The following ZP3 variants were observed in gnomAD, a reference collection of about 807,000 sequenced individuals.
The protein encoded by ZP3 is zona pellucida glycoprotein 3.
A neutral mutation model predicts 35.6 loss-of-function variants in ZP3; 21 were observed. That is an observed-to-expected ratio of 0.59 (90% CI 0.42 to 0.85). The LOEUF is 0.85. Among genes scored for constraint, ZP3 ranks in the 40% least tolerant of loss-of-function variants. The pLI is 0.00. For synonymous variants in ZP3, 207 were observed against 214.5 expected, an observed-to-expected ratio of 0.96 and a Z score of 0.31; for missense variants, 437 against 536.5, an observed-to-expected ratio of 0.81 and a Z score of 1.83.
chr7:76,404,580 C>T lies in ZP3; in HGVS notation c.-67+6783C>T, dbSNP rs59200556. 1,022 of 1,311,224 alleles carry T rather than the reference C, an allele frequency of 7.8e-4. 10 individuals are homozygous for T. The African/African-American group carries it at 0.014, about 18-fold the overall frequency. The allele number at this position is 1,311,224 out of a possible 1,614,324, so 81.2% of individuals were successfully genotyped here. ...GCCGAGGTGGGAGGATTGCTTGCAC[C>T]CAGGGGTTTGAGATCAGCCTGGGCA... is the stretch of plus-strand genomic sequence containing the variant. On this transcript the variant is annotated intron_variant, in intron 1 of 8. Transcript: ENST00000336517.
chr7:76,437,470 C>CTTTTTT (rs71521129), intron 5 of ZP3, among the ~76,000 whole-genome samples: 1 of 134,880 alleles, frequency 7.4e-6, no homozygotes, highest in Non-Finnish European at 1.6e-5. Context: ...ACACTCCCCT[C>CTTTTTT]TTTTTTTTTT....
chr7:76,412,965 C>T (rs112904325), intron 1 of ZP3, among the ~76,000 whole-genome samples: 50,146 of 101,702 alleles, frequency 0.49, 12,386 homozygotes, highest in South Asian at 0.56. Flanking sequence ...TCTTCTTCTT[C>T]TTTTTTTTTT....
At chr7:76,429,078 TG>T in intron 1 of ZP3, 2 of 212,790 alleles carry the variant, frequency 9.4e-6, no homozygotes, top group Non-Finnish European at 1.9e-5. Context: ...CTGTATGTAC[TG>T]GGGGGCATGG....
At chr7:76,402,061 C>A (rs1030915671) in intron 1 of ZP3, among the ~76,000 whole-genome samples, 1 of 151,970 alleles carries the variant, frequency 6.6e-6, no homozygotes, top group Non-Finnish European at 1.5e-5. Flanking sequence ...AGTCTGTCAC[C>A]CAGCCTGGAG....
intron 1 of ZP3, among the ~76,000 whole-genome samples, chr7:76,426,108 G>A (rs1456447962): frequency 6.6e-6 from 1 of 150,940 alleles, no homozygotes; most frequent in Admixed American, 6.6e-5. Context: ...ATTCCACATA[G>A]ATAAGTGGTA....
intron 5 of ZP3, among the ~76,000 whole-genome samples, chr7:76,436,055 T>C (rs1260642118): frequency 2.5e-3 from 182 of 71,452 alleles, no homozygotes; most frequent in African/African-American, 4.8e-3. Context: ...TTTTTTTTTT[T>C]TTTTTTTTTT....
intron 4 of ZP3, 75 bp downstream of exon 4, chr7:76,433,722 A>G: frequency 6.9e-7 from 1 of 1,450,510 alleles, no homozygotes; most frequent in Non-Finnish European, 9.4e-7. Flanking sequence ...GCTTTTTGAG[A>G]CAGTGTCACT....
At chr7:76,423,297 C>CT (rs1563695783), upstream of ZP3, among the ~76,000 whole-genome samples, 1 of 151,942 alleles carries the variant, frequency 6.6e-6, no homozygotes, top group African/African-American at 2.4e-5. Flanking sequence ...GCCAGGAGGG[C>CT]TTTTTTATTA....
At chr7:76,436,030 C>CGGG (rs1805991993) in intron 5 of ZP3, among the ~76,000 whole-genome samples, 4 of 74,356 alleles carry the variant, frequency 5.4e-5, no homozygotes, top group South Asian at 1.0e-3. Flanking sequence ...CCCCCGCCCC[C>CGGG]TTTTTTTTTT....
At chr7:76,414,251 C>T (rs918869356) in intron 1 of ZP3, among the ~76,000 whole-genome samples, 3 of 152,102 alleles carry the variant, frequency 2.0e-5, no homozygotes, top group Non-Finnish European at 2.9e-5. Context: ...CCTGCCTTAG[C>T]GTCCCAAAGT....
chr7:76,407,692 C>T (rs978558940), intron 1 of ZP3, among the ~76,000 whole-genome samples: 10 of 152,094 alleles, frequency 6.6e-5, no homozygotes, highest in African/African-American at 2.4e-4. Flanking sequence ...ATGATCATGC[C>T]ACTGCACTCC....
upstream of ZP3, among the ~76,000 whole-genome samples, chr7:76,420,952 G>A (rs992894856): frequency 3.0e-5 from 4 of 133,324 alleles, no homozygotes; most frequent in African/African-American, 1.2e-4. Flanking sequence ...TTTTTTTTTA[G>A]TGAGACTAAG....
chr7:76,424,397 G>A (rs948928367), upstream of ZP3, among the ~76,000 whole-genome samples: 1 of 152,200 alleles, frequency 6.6e-6, no homozygotes, highest in African/African-American at 2.4e-5. Context: ...GGGAGGCTGA[G>A]GCAGGAGGAT....
At chr7:76,412,218 A>G (rs1440135194) in intron 1 of ZP3, among the ~76,000 whole-genome samples, 1 of 151,950 alleles carries the variant, frequency 6.6e-6, no homozygotes, top group Non-Finnish European at 1.5e-5. Context: ...GAAAAAGATA[A>G]AAAAGGAATA....
At chr7:76,426,819 C>A (rs1019422390) in intron 1 of ZP3, among the ~76,000 whole-genome samples, 3 of 148,956 alleles carry the variant, frequency 2.0e-5, no homozygotes, top group African/African-American at 7.4e-5. Context: ...CACTTGGGCC[C>A]GGGAGTTTAA....
intron 1 of ZP3, among the ~76,000 whole-genome samples, chr7:76,413,672 A>G (rs1038512914): frequency 6.6e-6 from 1 of 151,988 alleles, no homozygotes; most frequent in Non-Finnish European, 1.5e-5. Flanking sequence ...AATTTTATTT[A>G]TTCATTTATT....
chr7:76,408,417 C>T (rs1164900693), intron 1 of ZP3, among the ~76,000 whole-genome samples: 7 of 152,126 alleles, frequency 4.6e-5, no homozygotes, highest in Non-Finnish European at 1.5e-5. Context: ...CCAGTCTTTG[C>T]TTGTTGTGGG....
chr7:76,423,155 A>G (rs769040662), upstream of ZP3, among the ~76,000 whole-genome samples: 11 of 151,524 alleles, frequency 7.3e-5, no homozygotes, highest in Admixed American at 1.3e-4. Context: ...CCAGACATAA[A>G]GGAGGCAGCA....
Position 76,424,953 on chromosome 7 carries a change from T to A in ZP3, c.-12T>A. 1 of 1,515,736 alleles carries A rather than the reference T, an allele frequency of 6.6e-7. No individual in the cohort carries two copies. The highest frequency in any genetic ancestry group is 1.4e-5 in the African/African-American group (1 of 72,598). 93.9% of individuals were successfully genotyped at this position (1,515,736 alleles called of 1,614,324 possible). ...ATGGCCAGAGGCGGCTGCCTGCTGC[T>A]CTGCAGGTACCATGGAGCTGAGCTA... On this transcript the variant is annotated 5_prime_UTR_variant, in exon 1 of 8. Coordinates refer to ENST00000394857, the MANE Select transcript of ZP3 (RefSeq NM_001110354.2).
Sources: allele counts gnomAD v4.1 joint callset (sites outside exome capture counted in the v4.1 genomes callset), GRCh38; gene constraint gnomAD v4.1.1; transcripts MANE v1.5; gene names NCBI Gene and HGNC (gene_info 2026-07-23, HGNC 2026-07-21).